NT5DC3: variants seen among roughly 807,000 people sequenced by gnomAD.
The protein encoded by NT5DC3 is 5'-nucleotidase domain containing 3.
In NT5DC3, 42 loss-of-function variants were observed where a neutral mutation model predicts 67.8. That is an observed-to-expected ratio of 0.62 (90% CI 0.48 to 0.80). The LOEUF (loss-of-function observed/expected upper bound fraction) is 0.80. Ranked by LOEUF, NT5DC3 falls within the 30% of genes least tolerant of loss-of-function variation. The probability of loss-of-function intolerance (pLI) is 0.00; values close to 1 mark genes in which losing one functional copy is unlikely to be tolerated. For missense variants in NT5DC3, 570 were observed against 696.4 expected (o/e 0.82, Z 2.04); for synonymous variants, 237 against 255.6 (o/e 0.93, Z 0.69).
At chr12:103,786,888 G>A (rs1002072297) in intron 11 of NT5DC3, among the ~76,000 whole-genome samples, 4 of 152,008 alleles carry the variant, frequency 2.6e-5, no homozygotes, top group African/African-American at 9.7e-5. Flanking sequence ...TCACAACGCT[G>A]CCCAGGTTGA....
chr12:103,750,453 AG>A, the NT5DC3 span: 1 of 1,213,098 alleles, frequency 8.2e-7, no homozygotes, highest in Non-Finnish European at 1.2e-6. Context: ...CCCACTGGAC[AG>A]GAAAGGCACG....
downstream of NT5DC3, among the ~76,000 whole-genome samples, chr12:103,765,742 G>A (rs543908083): frequency 1.3e-4 from 14 of 108,686 alleles, no homozygotes; most frequent in Non-Finnish European, 2.3e-4. Context: ...AGGTTTCACC[G>A]TGTTGCTCAG....
chr12:103,757,154 T>C, the NT5DC3 span, among the ~76,000 whole-genome samples: 1,475 of 151,776 alleles, frequency 9.7e-3, 45 homozygotes, highest in East Asian at 0.098. Flanking sequence ...AGTGGCATGA[T>C]CTCGGCTCAT....
chr12:103,778,226 TATTA>T (rs1885411588), intron 13 of NT5DC3, 145 bp from the exon 14 acceptor site: 1 of 883,062 alleles, frequency 1.1e-6, no homozygotes, highest in Non-Finnish European at 1.6e-6. Context: ...CAGCCCCAAA[TATTA>T]ATTAAGAAAA....
the NT5DC3 span, among the ~76,000 whole-genome samples, chr12:103,760,411 C>T: frequency 1.1e-4 from 16 of 152,164 alleles, no homozygotes; most frequent in Non-Finnish European, 2.1e-4. Flanking sequence ...CAGGTGCCCG[C>T]CACCACACTC....
At position 103,775,756 on chromosome 12, in the gene NT5DC3, C is replaced by A. The variant is rs1885321944; in HGVS notation, c.*2073G>T. 1 of 152,164 alleles carries A rather than the reference C, an allele frequency of 6.6e-6. No homozygotes were observed. Among genetic ancestry groups the A allele is most frequent in the South Asian group, 2.1e-4 (1 of 4,828 alleles). 9.4% of individuals were successfully genotyped at this position (152,164 alleles called of 1,614,324 possible). A position where few individuals can be genotyped will look rare whatever the true frequency, so the allele number is the denominator to read the frequency against. ...AGAAGCCTTATTGGATCTAAAGGGT[C>A]ACCTTCACCATTATAGTTAAATACA... On this transcript the variant is annotated 3_prime_UTR_variant, in exon 14 of 14. Coordinates refer to ENST00000392876, the MANE Select transcript of NT5DC3 (RefSeq NM_001031701.3).
At chr12:103,758,314 G>A in the NT5DC3 span, 1 of 1,610,700 alleles carries the variant, frequency 6.2e-7, no homozygotes, top group African/African-American at 1.3e-5. Flanking sequence ...TGGTGCCTTT[G>A]CTTTAGACTA....
Position 103,775,437 on chromosome 12 carries a change from A to G in NT5DC3, c.*2392T>C, listed in dbSNP as rs903929494. Reference sequence around the variant, plus strand: ...TATAACTGGCACCTGGTAGGTAATCAATGAATATCTGATTAGATAAAAACC... The same window carrying G: ...TATAACTGGCACCTGGTAGGTAATCGATGAATATCTGATTAGATAAAAACC... On this transcript the variant is annotated 3_prime_UTR_variant, in exon 14 of 14. Coordinates refer to ENST00000392876, the MANE Select transcript of NT5DC3 (RefSeq NM_001031701.3). 7 of 152,256 alleles carry G rather than the reference A, an allele frequency of 4.6e-5. No homozygotes were observed. Among genetic ancestry groups the G allele is most frequent in the African/African-American group, 1.7e-4 (7 of 41,466 alleles). 9.4% of individuals were successfully genotyped at this position (152,256 alleles called of 1,614,324 possible).
At chr12:103,751,767 A>C in the NT5DC3 span, among the ~76,000 whole-genome samples, 144,151 of 152,098 alleles carry the variant, frequency 0.95, 68,337 homozygotes, top group East Asian at 1. Context: ...ATCTACCCAG[A>C]CCATAGAGTG....
At chr12:103,755,128 C>A in the NT5DC3 span, 5 of 811,858 alleles carry the variant, frequency 6.2e-6, no homozygotes, top group Admixed American at 2.5e-5. Context: ...CCCAGTGGCT[C>A]AATCAATCAG....
At chr12:103,787,598 A>G in intron 10 of NT5DC3, 71 bp from the exon 11 acceptor site, 1 of 782,718 alleles carries the variant, frequency 1.3e-6, no homozygotes, top group African/African-American at 1.8e-5. Flanking sequence ...TACAAAATAT[A>G]AAACTTTTAA....
chr12:103,809,011 G>A (rs907264526), intron 2 of NT5DC3, among the ~76,000 whole-genome samples: 1 of 152,210 alleles, frequency 6.6e-6, no homozygotes, highest in South Asian at 2.1e-4. Context: ...TCAGGGGCAA[G>A]GAATTTGCCC....
At chr12:103,796,789 G>C (rs1235487953) in intron 6 of NT5DC3, 105 bp downstream of exon 6, 2 of 1,137,896 alleles carry the variant, frequency 1.8e-6, no homozygotes, top group Non-Finnish European at 1.3e-6. Context: ...CCAGCTAAGA[G>C]ACTATTTAAA....
chr12:103,815,133 G>GAAAAA lies in NT5DC3; in HGVS notation c.209-17_209-13dup. ...GGAAGGAACCAATTCTGGAAATAAA[G>GAAAAA]AAAAAAAATACATTATACTACATAA... is the stretch of plus-strand genomic sequence containing the variant. On this transcript the variant is annotated splice_polypyrimidine_tract_variant and intron_variant, in intron 1 of 13. Coordinates refer to ENST00000392876, the MANE Select transcript of NT5DC3 (RefSeq NM_001031701.3). The GAAAAA allele has an allele frequency of 6.4e-7, 1 of 1,553,948 alleles. No homozygotes were observed. Among genetic ancestry groups the GAAAAA allele is most frequent in the Non-Finnish European group, 8.7e-7 (1 of 1,143,438 alleles).
At position 103,806,340 on chromosome 12, in the gene NT5DC3, T is replaced by G. The variant is rs1433733144; in HGVS notation, c.506A>C (p.Gln169Pro). 1 of 1,604,900 alleles carries G rather than the reference T, an allele frequency of 6.2e-7. No individual in the cohort carries two copies. The highest frequency in any genetic ancestry group is 8.5e-7 in the Non-Finnish European group (1 of 1,171,598). Residue 169 changes from glutamine (Q) to proline (P), a missense_variant, in exon 4 of 14, where the codon CAG becomes CCG. By Grantham distance (76) the Gln-to-Pro change is moderately conservative. This residue lies in a region of NT5DC3 where 466 missense variants were observed against 608.0 expected (regional missense o/e 0.77). Transcript: ENST00000392876. The part of the protein sequence containing the change: ...LMKIDAFHYI[Q>P]LGTVYRGLSV... ...CTCTTACCTGTAGACAGTTCCCAGC[T>G]GGATATAATGAAAAGCATCGATCTT...
intron 2 of NT5DC3, among the ~76,000 whole-genome samples, chr12:103,812,608 T>C (rs945387981): frequency 2.0e-5 from 3 of 152,142 alleles, no homozygotes; most frequent in Admixed American, 6.5e-5. Context: ...AAAAAAACCA[T>C]AGGATGGAAA....
At chr12:103,767,199 A>AAAAT (rs1396768369), downstream of NT5DC3, among the ~76,000 whole-genome samples, 1 of 152,260 alleles carries the variant, frequency 6.6e-6, no homozygotes, top group African/African-American at 2.4e-5. Context: ...CATCAGCTGA[A>AAAAT]AAATAAATGA....
chr12:103,823,947 C>T (rs929903691), intron 1 of NT5DC3, among the ~76,000 whole-genome samples: 1 of 152,242 alleles, frequency 6.6e-6, no homozygotes, highest in Non-Finnish European at 1.5e-5. Context: ...CAAGTTCCAA[C>T]TTCCTTCTGC....
Position 103,796,977 on chromosome 12 carries a change from T to C in NT5DC3, c.670A>G (p.Met224Val), listed in dbSNP as rs759911942. The C allele has an allele frequency of 3.6e-5, 58 of 1,613,990 alleles. No individual in the cohort carries two copies. The highest frequency in any genetic ancestry group is 4.7e-5 in the Non-Finnish European group (55 of 1,180,006). Residue 224 changes from methionine (M) to valine (V), a missense_variant, in exon 6 of 14, where the codon ATG becomes GTG. Coordinates refer to ENST00000392876, the MANE Select transcript of NT5DC3 (RefSeq NM_001031701.3). ...QFMDIFSLPE[M>V]TLLSCVNEYF... ...TCATTCACGCAGGACAGGAGGGTCA[T>C]CTCGGGCAGGGAGAAGATGTCCATG...
Sources: gnomAD v4.1 joint callset for allele counts (sites outside exome capture counted in the v4.1 genomes callset) on GRCh38, gnomAD v4.1.1 for gene constraint, gnomAD v4.1.1 regional missense constraint, MANE v1.5 for transcripts, NCBI Gene and HGNC (gene_info 2026-07-23, HGNC 2026-07-21) for gene names.